The following PTPRT variants were observed in gnomAD, a reference collection of about 807,000 sequenced individuals.
PTPRT encodes the protein receptor-type tyrosine-protein phosphatase T.
Under a neutral mutation model 176.8 loss-of-function variants are expected in PTPRT, and 56 were observed. The observed-to-expected ratio is 0.32, with a 90% CI of 0.26 to 0.40. The LOEUF (loss-of-function observed/expected upper bound fraction) is 0.40, where lower values mean the gene tolerates loss of function less well. PTPRT is among the 10% of genes least tolerant of loss of function. PTPRT has a pLI of 1.00. For synonymous variants in PTPRT, 783 were observed against 739.0 expected (o/e 1.06, Z -0.96); for missense variants, 1,540 against 1,908.2 (o/e 0.81, Z 3.60).
chr20:42,676,521 C>A (rs1435270608), intron 7 of PTPRT, among the ~76,000 whole-genome samples: 1 of 148,096 alleles, frequency 6.8e-6, no homozygotes, highest in Non-Finnish European at 1.5e-5. Flanking sequence ...TAGAACATCC[C>A]CAGCTGTATA....
chr20:42,181,475 T>C (rs575051694), intron 16 of PTPRT, among the ~76,000 whole-genome samples: 1 of 152,174 alleles, frequency 6.6e-6, no homozygotes, highest in Non-Finnish European at 1.5e-5. Context: ...AAGTGCACCA[T>C]ATATCTCTCC....
At position 42,501,543 on chromosome 20, in the gene PTPRT, G is replaced by A. The variant is rs996735128; in HGVS notation, c.1154-28981C>T. Among the ~76,000 whole-genome samples the A allele has an allele frequency of 1.2e-4, 18 of 152,114 alleles. No homozygotes were observed. The South Asian group carries it at 2.7e-3, about 23-fold the overall frequency. On this transcript the variant is annotated intron_variant, in intron 7 of 30. Coordinates refer to ENST00000373187, the MANE Select transcript of PTPRT (RefSeq NM_007050.6). Reference sequence around the variant, plus strand: ...CTACAAGCTACAACCCTTCTCTTCCGCCTGCCAACAATTTTTGTTGATAAA... The same window carrying A: ...CTACAAGCTACAACCCTTCTCTTCCACCTGCCAACAATTTTTGTTGATAAA...
chr20:42,448,131 C>T (rs550163725), intron 9 of PTPRT, 89 bp downstream of exon 9: 5 of 1,009,196 alleles, frequency 5.0e-6, no homozygotes, highest in African/African-American at 1.6e-5. Flanking sequence ...CACCTTTATA[C>T]GTTCAGCAGA....
intron 7 of PTPRT, among the ~76,000 whole-genome samples, chr20:42,613,385 C>G (rs2074007382): frequency 6.6e-6 from 1 of 152,236 alleles, no homozygotes; most frequent in African/African-American, 2.4e-5. Flanking sequence ...GAACTGGAAC[C>G]TAGCAAATGC....
chr20:43,065,455 A>G lies in PTPRT; in HGVS notation c.88+124191T>C, dbSNP rs1217170765. Among the ~76,000 whole-genome samples, 4 of 152,348 alleles carry G rather than the reference A, an allele frequency of 2.6e-5. No individual in the cohort carries two copies. The East Asian group carries it at 7.7e-4, about 29-fold the overall frequency. On this transcript the variant is annotated intron_variant, in intron 1 of 30. Coordinates refer to ENST00000373187, the MANE Select transcript of PTPRT (RefSeq NM_007050.6). ...CAAAAGGGCCTAGTAAAGTATTCTC[A>G]CTAGAGCTTAAAAGGAAAGAGGAAA...
intron 13 of PTPRT, among the ~76,000 whole-genome samples, chr20:42,250,388 T>C (rs1600728444): frequency 1.3e-5 from 2 of 152,362 alleles, no homozygotes; most frequent in South Asian, 4.1e-4. Flanking sequence ...CATTTATTCA[T>C]AGAACTCAGC....
chr20:42,773,624 G>A (rs1186448553), intron 4 of PTPRT, among the ~76,000 whole-genome samples: 4 of 152,120 alleles, frequency 2.6e-5, no homozygotes, highest in Non-Finnish European at 5.9e-5. Flanking sequence ...TAGTCAACTT[G>A]ACAAATGCCA....
intron 1 of PTPRT, among the ~76,000 whole-genome samples, chr20:43,088,204 C>A (rs1719126155): frequency 6.6e-6 from 1 of 152,154 alleles, no homozygotes; most frequent in Admixed American, 6.5e-5. Context: ...CTTGACTGAA[C>A]TGCAATCTGA....
intron 15 of PTPRT, among the ~76,000 whole-genome samples, chr20:42,235,481 G>A (rs1448074474): frequency 6.6e-6 from 1 of 152,060 alleles, no homozygotes; most frequent in Non-Finnish European, 1.5e-5. Context: ...GGCTGGTCTT[G>A]AACTCCTGAC....
chr20:42,169,882 C>T lies in PTPRT; in HGVS notation c.2492-8340G>A, dbSNP rs1337389372. On this transcript the variant is annotated intron_variant, in intron 16 of 30. Coordinates refer to ENST00000373187, the MANE Select transcript of PTPRT (RefSeq NM_007050.6). ...CCGTATGACTTGGTGGGGGCGGGGG[C>T]AGGGAATGACCCTACTCCCAAAACA... Among the ~76,000 whole-genome samples, 3 of 151,802 alleles carry T rather than the reference C, an allele frequency of 2.0e-5. No homozygotes were observed. In the East Asian group the frequency reaches 5.8e-4, roughly 29 times the overall value.
At chr20:42,161,156 A>G (rs1366088278) in intron 17 of PTPRT, among the ~76,000 whole-genome samples, 196 bp downstream of exon 17, 1 of 152,198 alleles carries the variant, frequency 6.6e-6, no homozygotes, top group Non-Finnish European at 1.5e-5. Context: ...TGTGTATACA[A>G]ATCACCTAGT....
chr20:42,085,773 G>C lies in PTPRT; in HGVS notation c.3927C>G (p.Asp1309Glu). The C allele has an allele frequency of 6.2e-7, 1 of 1,614,020 alleles. No individual in the cohort carries two copies. Among genetic ancestry groups the C allele is most frequent in the Non-Finnish European group, 8.5e-7 (1 of 1,180,012 alleles). The change falls in exon 28 of 31, where the codon GAC becomes GAG. Residue 1309 changes from aspartate (D) to glutamate (E), a missense_variant. By Grantham distance (45) the Asp-to-Glu change is conservative. Around this residue, in one of 11 missense-constraint regions of PTPRT, gnomAD observed 342 missense variants for 394.0 expected, o/e 0.87. Transcript: ENST00000373187. ...IQVEFVSADI[D>E]EDIIHRIFRI... ...GGAATATTCTGTGGATGATGTCCTCGTCGATGTCTGCGGAGACGAACTCCA... is the reference window on the plus strand; with the variant it reads ...GGAATATTCTGTGGATGATGTCCTCCTCGATGTCTGCGGAGACGAACTCCA...
intron 7 of PTPRT, among the ~76,000 whole-genome samples, chr20:42,589,385 T>A (rs958253685): frequency 6.6e-6 from 1 of 152,176 alleles, no homozygotes. Context: ...ACTCAATTGT[T>A]CAAAAAGCAA....
chr20:42,845,257 C>G (rs1029056856), intron 2 of PTPRT, among the ~76,000 whole-genome samples: 1 of 149,352 alleles, frequency 6.7e-6, no homozygotes, highest in Non-Finnish European at 1.5e-5. Context: ...CTGGGGAAAG[C>G]TAAAGGGCTG....
chr20:42,518,558 T>C (rs1001408700), intron 7 of PTPRT, among the ~76,000 whole-genome samples: 2 of 152,126 alleles, frequency 1.3e-5, no homozygotes, highest in Non-Finnish European at 2.9e-5. Flanking sequence ...TAGAATATGG[T>C]AATCAATAGT....
chr20:42,695,316 A>C (rs2075857680), intron 6 of PTPRT, among the ~76,000 whole-genome samples: 1 of 152,174 alleles, frequency 6.6e-6, no homozygotes, highest in African/African-American at 2.4e-5. Flanking sequence ...TTATACTCAA[A>C]TGTATCAGAG....
chr20:42,535,803 C>A (rs866987155), intron 7 of PTPRT, among the ~76,000 whole-genome samples: 1 of 152,038 alleles, frequency 6.6e-6, no homozygotes, highest in African/African-American at 2.4e-5. Flanking sequence ...AAGTTTGAAG[C>A]GGGCTTGGTT....
intron 6 of PTPRT, among the ~76,000 whole-genome samples, chr20:42,701,684 T>C (rs1215014918): frequency 6.6e-6 from 1 of 152,072 alleles, no homozygotes; most frequent in East Asian, 1.9e-4. Flanking sequence ...ATGTGGGCAA[T>C]CCTATAGAGA....
At chr20:42,560,345 C>A (rs963813978) in intron 7 of PTPRT, among the ~76,000 whole-genome samples, 2 of 152,178 alleles carry the variant, frequency 1.3e-5, no homozygotes, top group Non-Finnish European at 2.9e-5. Context: ...TGGCTACATT[C>A]TCCTACAGCA....
Sources: gnomAD v4.1 joint callset for allele counts (sites outside exome capture counted in the v4.1 genomes callset) on GRCh38, gnomAD v4.1.1 for gene constraint, gnomAD v4.1.1 regional missense constraint, MANE v1.5 for transcripts, NCBI Gene and HGNC (gene_info 2026-07-23, HGNC 2026-07-21) for gene names.